ZNF729: variants seen among roughly 807,000 people sequenced by gnomAD.
ZNF729 encodes zinc finger protein 729.
ZNF729 carries 15 observed loss-of-function variants against 12.2 expected under a neutral mutation model. That is an observed-to-expected ratio of 1.23 (90% CI 0.82 to 1.89). ZNF729 has a LOEUF of 1.89. ZNF729 is among the 40% of genes most tolerant of loss of function. ZNF729 has a pLI of 0.00. For synonymous variants in ZNF729, 492 were observed against 476.3 expected (o/e 1.03, Z -0.43); for missense variants, 1,540 against 1,456.7 (o/e 1.06, Z -0.93).
chr19:22,301,285 T>C lies in ZNF729; in HGVS notation c.31-2473T>C, dbSNP rs553074213. 1.6e-3 allele frequency among the ~76,000 whole-genome samples: 237 copies of C among 152,372 alleles called. 1 individual carries two copies. Among genetic ancestry groups the C allele is most frequent in the Non-Finnish European group, 2.9e-3 (198 of 68,040 alleles). On this transcript the variant is annotated intron_variant, in intron 1 of 3. Coordinates refer to ENST00000601693, the MANE Select transcript of ZNF729 (RefSeq NM_001242680.2). ...GTAATCACACTGCTAATCAAGTGTATGTTGCGGGCAACTTGAATATTTGCT... is the reference window on the plus strand; with the variant it reads ...GTAATCACACTGCTAATCAAGTGTACGTTGCGGGCAACTTGAATATTTGCT...
intron 1 of ZNF729, among the ~76,000 whole-genome samples, chr19:22,294,865 C>T (rs1482391275): frequency 1.3e-5 from 2 of 151,820 alleles, no homozygotes; most frequent in Non-Finnish European, 2.9e-5. Flanking sequence ...CTGTGTTGGC[C>T]AGGCTGGTTT....
At chr19:22,290,014 G>T (rs868624468) in intron 1 of ZNF729, among the ~76,000 whole-genome samples, 1 of 152,154 alleles carries the variant, frequency 6.6e-6, no homozygotes, top group Non-Finnish European at 1.5e-5. Context: ...TGTACACTGT[G>T]TTAGAGTAAT....
chr19:22,286,814 T>A (rs1171140306), intron 1 of ZNF729, among the ~76,000 whole-genome samples: 1 of 152,162 alleles, frequency 6.6e-6, no homozygotes, highest in Non-Finnish European at 1.5e-5. Context: ...TGCACCCGCA[T>A]GGCCGCGTCT....
At chr19:22,312,440 TTG>T (rs138264785) in intron 3 of ZNF729, among the ~76,000 whole-genome samples, 3,044 of 144,556 alleles carry the variant, frequency 0.021, 68 homozygotes, top group African/African-American at 0.052. Context: ...TTGTCTGAAA[TTG>T]TGTGTGTGTG....
At position 22,315,712 on chromosome 19, in the gene ZNF729, G is replaced by A. The variant is rs747720576; in HGVS notation, c.2295G>A (p.Glu765=). The change falls in exon 4 of 4, where the codon GAG becomes GAA. Residue 765 remains glutamate (E), a synonymous_variant. Transcript: ENST00000601693. ...AACATAAGGTAATTCATACTAGGGAGAAATTGTACAAATGTGAAGAATGTG... is the reference window on the plus strand; with the variant it reads ...AACATAAGGTAATTCATACTAGGGAAAAATTGTACAAATGTGAAGAATGTG... ...LRKHKVIHTR[E]KLYKCEECVK... 85 of 1,605,624 alleles carry A rather than the reference G, an allele frequency of 5.3e-5. No individual in the cohort carries two copies. In the African/African-American group the frequency reaches 9.1e-4, roughly 17 times the overall value.
chr19:22,313,126 A>C (rs1292970879), intron 3 of ZNF729, among the ~76,000 whole-genome samples: 1 of 150,884 alleles, frequency 6.6e-6, no homozygotes, highest in Admixed American at 6.6e-5. Flanking sequence ...GCATAATCTC[A>C]TCTCACTGCA....
chr19:22,315,344 C>T lies in ZNF729; in HGVS notation c.1927C>T (p.Leu643Phe), dbSNP rs1452433002. Residue 643 changes from leucine (L) to phenylalanine (F), a missense_variant, in exon 4 of 4, where the codon CTT (leucine) becomes TTT (phenylalanine). Coordinates refer to ENST00000601693, the MANE Select transcript of ZNF729 (RefSeq NM_001242680.2). The part of the protein sequence containing the change: ...CGKAFRQSSH[L>F]TRHKAIHTGE... ...CAAAGCTTTTAGGCAATCCTCACACCTTACTAGACATAAAGCAATTCATAC... is the reference window on the plus strand; with the variant it reads ...CAAAGCTTTTAGGCAATCCTCACACTTTACTAGACATAAAGCAATTCATAC... 4 of 1,613,442 alleles carry T rather than the reference C, an allele frequency of 2.5e-6. No individual in the cohort carries two copies. Among genetic ancestry groups the T allele is most frequent in the Non-Finnish European group, 3.4e-6 (4 of 1,179,732 alleles).
At position 22,313,750 on chromosome 19, in the gene ZNF729, A is replaced by G; in HGVS notation, c.333A>G (p.Thr111=). 1 of 1,593,786 alleles carries G rather than the reference A, an allele frequency of 6.3e-7. No homozygotes were observed. Among genetic ancestry groups the G allele is most frequent in the Non-Finnish European group, 8.5e-7 (1 of 1,171,674 alleles). The change falls in exon 4 of 4, where the codon ACA becomes ACG. Residue 111 remains threonine, a synonymous_variant. Transcript: ENST00000601693. ...CTTTCCAAGAAGTAATACTGAGAAC[A>G]TATGCAAGATGTGGACATAAGAATT... The part of the protein sequence containing the change: ...KDSFQEVILR[T]YARCGHKNLR...
intron 3 of ZNF729, among the ~76,000 whole-genome samples, chr19:22,306,174 C>T (rs1421578737): frequency 6.6e-6 from 1 of 152,036 alleles, no homozygotes; most frequent in Non-Finnish European, 1.5e-5. Flanking sequence ...GGCACAGTGA[C>T]TTATGCCTGT....
chr19:22,313,045 A>G (rs377683039), intron 3 of ZNF729, among the ~76,000 whole-genome samples: 1 of 147,950 alleles, frequency 6.8e-6, no homozygotes, highest in African/African-American at 2.5e-5. Flanking sequence ...TAAACAATAA[A>G]CCAGGAGTTG....
chr19:22,316,735 T>A lies in ZNF729; in HGVS notation c.3318T>A (p.Cys1106Ter). 1 of 1,612,772 alleles carries A rather than the reference T, an allele frequency of 6.2e-7. No homozygotes were observed. Among genetic ancestry groups the A allele is most frequent in the Admixed American group, 1.7e-5 (1 of 59,934 alleles). The stretch of plus-strand genomic sequence containing the variant: ...ATACTGGAAAGAAACCCTACCAATG[T>A]GACGAATGTGGCAAAGCTTTTAACA... Reference protein sequence around the residue: ...VIHTGKKPYQCDECGKAFNNS... With the variant: ...VIHTGKKPYQ Residue 1106 changes from cysteine (C) to a stop codon, truncating the protein, a stop_gained, in exon 4 of 4, where the codon TGT (cysteine) becomes TGA (stop). Coordinates refer to ENST00000601693, the MANE Select transcript of ZNF729 (RefSeq NM_001242680.2). LOFTEE classifies it low-confidence loss of function (END_TRUNC).
chr19:22,311,216 AT>A (rs1208358591), intron 3 of ZNF729, among the ~76,000 whole-genome samples: 1 of 149,622 alleles, frequency 6.7e-6, no homozygotes, highest in Admixed American at 6.6e-5. Flanking sequence ...GATTTTGATT[AT>A]TTTTTTTCTT....
intron 3 of ZNF729, among the ~76,000 whole-genome samples, chr19:22,313,031 T>C: frequency 6.6e-6 from 1 of 151,036 alleles, no homozygotes; most frequent in Non-Finnish European, 1.5e-5. Context: ...GTTTTATTTG[T>C]CTTTAAACAA....
chr19:22,293,511 T>TTTTTTTTTTTTTA (rs1568571046), intron 1 of ZNF729, among the ~76,000 whole-genome samples: 5 of 145,124 alleles, frequency 3.4e-5, no homozygotes, highest in East Asian at 2.0e-4. Context: ...TTTTTTTTTT[T>TTTTTTTTTTTTTA]GAGACAGTTT....
Position 22,316,095 on chromosome 19 carries a change from C to T in ZNF729, c.2678C>T (p.Ser893Leu). ...TGTGGTAAAGCTTTTAAGTGGTTGT[C>T]AAAACTTACTGTACATAAGGTAATT... ...EECGKAFKWL[S>L]KLTVHKVIHT... Residue 893 changes from serine to leucine, a missense_variant, in exon 4 of 4, where the codon TCA (serine) becomes TTA (leucine). Ser to Leu is a moderately radical substitution (Grantham distance 145, BLOSUM62 -2). Transcript: ENST00000601693. 2 of 1,610,252 alleles carry T rather than the reference C, an allele frequency of 1.2e-6. No individual in the cohort carries two copies. The highest frequency in any genetic ancestry group is 1.7e-6 in the Non-Finnish European group (2 of 1,179,466).
At chr19:22,298,005 CAAAA>C (rs34435303) in intron 1 of ZNF729, among the ~76,000 whole-genome samples, 2 of 68,132 alleles carry the variant, frequency 2.9e-5, no homozygotes, top group African/African-American at 1.1e-4. Context: ...AACTCCATCT[CAAAA>C]AAAAAAAAAA....
chr19:22,294,661 T>C (rs1481936200), intron 1 of ZNF729, among the ~76,000 whole-genome samples: 1 of 144,152 alleles, frequency 6.9e-6, no homozygotes, highest in African/African-American at 2.6e-5. Context: ...CTTTTTCTTT[T>C]TTTTTTTTTT....
At position 22,315,683 on chromosome 19, in the gene ZNF729, A is replaced by G. The variant is rs780494451; in HGVS notation, c.2266A>G (p.Arg756Gly). The change falls in exon 4 of 4, where the codon AGA becomes GGA. Residue 756 changes from arginine to glycine, a missense_variant. Physicochemically the swap from Arg to Gly is moderately radical, Grantham distance 125 (BLOSUM62 -2). Transcript: ENST00000601693. ...GKSFKHFSAL[R>G]KHKVIHTREK... ...ATCTTTTAAGCATTTCTCAGCCCTT[A>G]GAAAACATAAGGTAATTCATACTAG... 3.2e-5 allele frequency: 52 copies of G among 1,607,400 alleles called. No homozygotes were observed. In the East Asian group the frequency reaches 1.1e-3, roughly 35 times the overall value.
intron 1 of ZNF729, among the ~76,000 whole-genome samples, chr19:22,302,525 T>C (rs1398120400): frequency 2.3e-5 from 1 of 42,856 alleles, no homozygotes. Context: ...CTAGGAACCA[T>C]AAAAGACTGG....
Sources: gnomAD v4.1 joint callset for allele counts (sites outside exome capture counted in the v4.1 genomes callset) on GRCh38, gnomAD v4.1.1 for gene constraint, MANE v1.5 for transcripts, NCBI Gene and HGNC (gene_info 2026-07-23, HGNC 2026-07-21) for gene names.